SEC22A: variants seen among roughly 807,000 people sequenced by gnomAD.
SEC22A encodes the protein SEC22 homolog A, vesicle trafficking protein.
A neutral mutation model predicts 35.3 loss-of-function variants in SEC22A; 22 were observed. The ratio of observed to expected loss-of-function variants is 0.62; its 90% CI spans 0.45 to 0.89. The LOEUF (loss-of-function observed/expected upper bound fraction) is 0.89, where lower values mean the gene tolerates loss of function less well. Ranked by LOEUF, SEC22A falls within the 40% of genes least tolerant of loss-of-function variation. SEC22A has a pLI of 0.00. For missense variants in SEC22A, 354 were observed against 362.5 expected (o/e 0.98, Z 0.19); for synonymous variants, 119 against 129.5 (o/e 0.92, Z 0.55).
At chr3:123,270,955 G>A (rs1938146901) in intron 6 of SEC22A, among the ~76,000 whole-genome samples, 1 of 152,088 alleles carries the variant, frequency 6.6e-6, no homozygotes, top group Non-Finnish European at 1.5e-5. Flanking sequence ...TACAACTGAA[G>A]AACAATGCCT....
At chr3:123,256,690 CT>C (rs1359847005) in intron 5 of SEC22A, among the ~76,000 whole-genome samples, 1 of 151,894 alleles carries the variant, frequency 6.6e-6, no homozygotes, top group Non-Finnish European at 1.5e-5. Context: ...TAATTATTGA[CT>C]TACGTATCTG....
chr3:123,202,048 G>C (rs1936750774), intron 1 of SEC22A, 62 bp downstream of exon 1: 1 of 153,178 alleles, frequency 6.5e-6, no homozygotes, highest in Non-Finnish European at 1.5e-5. Context: ...AATCCCTGCC[G>C]GCCTCTCCCC....
chr3:123,221,707 A>G (rs1393786254), intron 2 of SEC22A, among the ~76,000 whole-genome samples: 1 of 151,960 alleles, frequency 6.6e-6, no homozygotes, highest in Non-Finnish European at 1.5e-5. Flanking sequence ...TTCCAATAGA[A>G]TATGGTTAAT....
rs776341695 is a variant in SEC22A, at chr3:123,271,766, A to AGG, written c.*46_*47dup. 2.0e-6 allele frequency: 3 copies of AGG among 1,505,260 alleles called. No individual in the cohort carries two copies. In the Admixed American group the frequency reaches 5.2e-5, roughly 26 times the overall value. 93.2% of individuals were successfully genotyped at this position (1,505,260 alleles called of 1,614,324 possible). ...TTGCCTTGGCTTCAGGGGGATAAGGAGGGAACATATCATAACTGCACTGTG... is the reference window on the plus strand; with the variant it reads ...TTGCCTTGGCTTCAGGGGGATAAGGAGGGGGAACATATCATAACTGCACTGTG... On this transcript the variant is annotated 3_prime_UTR_variant, in exon 7 of 7. Coordinates refer to ENST00000492595, the MANE Select transcript of SEC22A (RefSeq NM_012430.5).
chr3:123,227,980 C>T (rs1040698585), intron 4 of SEC22A, among the ~76,000 whole-genome samples: 9 of 151,856 alleles, frequency 5.9e-5, no homozygotes, highest in Non-Finnish European at 1.2e-4. Flanking sequence ...TTCACTTAGC[C>T]TTTTCATTTA....
chr3:123,215,040 T>G (rs1309618872), intron 2 of SEC22A, among the ~76,000 whole-genome samples: 1 of 152,212 alleles, frequency 6.6e-6, no homozygotes, highest in African/African-American at 2.4e-5. Context: ...AATTTTCTGA[T>G]TACTAGAGTA....
chr3:123,229,084 G>T (rs1419522388), intron 4 of SEC22A, among the ~76,000 whole-genome samples: 2 of 152,108 alleles, frequency 1.3e-5, no homozygotes, highest in Non-Finnish European at 2.9e-5. Context: ...GGAAATAATG[G>T]CTGAAAAGTT....
intron 5 of SEC22A, among the ~76,000 whole-genome samples, chr3:123,250,779 A>G (rs1037656388): frequency 3.3e-5 from 5 of 152,246 alleles, no homozygotes; most frequent in African/African-American, 4.8e-5. Context: ...AGTGCCTGCC[A>G]GCTCAGCCCA....
Position 123,208,690 on chromosome 3 carries a change from A to G in SEC22A, c.-19-509A>G, listed in dbSNP as rs186293184. 3.6e-3 allele frequency: 564 copies of G among 155,466 alleles called. 6 individuals carry two copies. The highest frequency in any genetic ancestry group is 0.011 in the Admixed American group (173 of 15,912). 9.6% of individuals were successfully genotyped at this position (155,466 alleles called of 1,614,324 possible). Reference sequence around the variant, plus strand: ...AGCCAAGATGGCGCCACTGCACTCCAGCCTGGGTGACAGAGCAAGATGCTG... The same window carrying G: ...AGCCAAGATGGCGCCACTGCACTCCGGCCTGGGTGACAGAGCAAGATGCTG... On this transcript the variant is annotated intron_variant, in intron 1 of 6. Coordinates refer to ENST00000492595, the MANE Select transcript of SEC22A (RefSeq NM_012430.5).
chr3:123,248,975 C>G (rs1219081684), intron 5 of SEC22A, among the ~76,000 whole-genome samples: 1 of 152,272 alleles, frequency 6.6e-6, no homozygotes, highest in East Asian at 1.9e-4. Flanking sequence ...CAAGAATGCC[C>G]CCACCTCAGA....
At chr3:123,224,727 G>C (rs1324855740) in intron 3 of SEC22A, among the ~76,000 whole-genome samples, 1 of 152,052 alleles carries the variant, frequency 6.6e-6, no homozygotes, top group East Asian at 1.9e-4. Flanking sequence ...GGAGTTTGAG[G>C]TTACAGTGAG....
chr3:123,209,089 G>T, intron 1 of SEC22A, 110 bp from the exon 2 acceptor site: 1 of 822,220 alleles, frequency 1.2e-6, no homozygotes, highest in South Asian at 1.5e-5. Flanking sequence ...CACCACACCT[G>T]GCCATTTTAA....
intron 1 of SEC22A, among the ~76,000 whole-genome samples, chr3:123,207,322 TA>T (rs950130323): frequency 1.3e-5 from 2 of 152,154 alleles, no homozygotes; most frequent in Non-Finnish European, 2.9e-5. Context: ...TTTTCTGTGG[TA>T]TTTTTTTTTA....
At chr3:123,237,069 A>C (rs753161670) in intron 4 of SEC22A, among the ~76,000 whole-genome samples, 3 of 152,198 alleles carry the variant, frequency 2.0e-5, no homozygotes, top group Non-Finnish European at 4.4e-5. Flanking sequence ...TGTTAGTATA[A>C]CACATGAAAG....
intron 3 of SEC22A, among the ~76,000 whole-genome samples, chr3:123,224,106 A>G (rs1937178792): frequency 2.0e-5 from 3 of 152,240 alleles, no homozygotes; most frequent in Non-Finnish European, 4.4e-5. Flanking sequence ...AGGATCATAT[A>G]GTCCCTGTCA....
chr3:123,268,366 A>T (rs1412459732), intron 6 of SEC22A, among the ~76,000 whole-genome samples: 1 of 152,202 alleles, frequency 6.6e-6, no homozygotes, highest in Admixed American at 6.5e-5. Context: ...AGTCTGGGAT[A>T]TATGAAGCAA....
chr3:123,253,066 C>G (rs1228811147), intron 5 of SEC22A, among the ~76,000 whole-genome samples: 3 of 151,986 alleles, frequency 2.0e-5, no homozygotes, highest in African/African-American at 7.3e-5. Context: ...ATTAATTAGG[C>G]TAATACCAAC....
intron 2 of SEC22A, among the ~76,000 whole-genome samples, chr3:123,216,341 A>T (rs1937023035): frequency 6.6e-6 from 1 of 152,170 alleles, no homozygotes; most frequent in Non-Finnish European, 1.5e-5. Flanking sequence ...ATTAACTCTG[A>T]AGAAAAGGAA....
intron 6 of SEC22A, among the ~76,000 whole-genome samples, chr3:123,270,464 G>A (rs963264285): frequency 6.6e-6 from 1 of 152,110 alleles, no homozygotes; most frequent in Admixed American, 6.5e-5. Flanking sequence ...AGAGACCTGG[G>A]CCTCTCTCTT....
Sources: allele counts gnomAD v4.1 joint callset (sites outside exome capture counted in the v4.1 genomes callset), GRCh38; gene constraint gnomAD v4.1.1; transcripts MANE v1.5; gene names NCBI Gene and HGNC (gene_info 2026-07-23, HGNC 2026-07-21).